Variants in LOC128092253 observed in about 807,000 individuals in gnomAD.
At chr6:133,958,212 T>C in the LOC128092253 span, among the ~76,000 whole-genome samples, 1 of 152,224 alleles carries the variant, frequency 6.6e-6, no homozygotes, top group Non-Finnish European at 1.5e-5. Context: ...TTTAGCTGTA[T>C]GATACTTCTG....
chr6:133,963,597 T>C, the LOC128092253 span, among the ~76,000 whole-genome samples: 1 of 152,098 alleles, frequency 6.6e-6, no homozygotes, highest in Non-Finnish European at 1.5e-5. Flanking sequence ...ATTTTTGTAT[T>C]TTTTTGTCGA....
chr6:133,956,099 A>G, the LOC128092253 span, among the ~76,000 whole-genome samples: 10,316 of 152,248 alleles, frequency 0.068, 934 homozygotes, highest in African/African-American at 0.2. Context: ...GAAGGATACC[A>G]GTAATAACCT....
At chr6:133,958,755 T>C in the LOC128092253 span, among the ~76,000 whole-genome samples, 4 of 152,112 alleles carry the variant, frequency 2.6e-5, no homozygotes, top group Non-Finnish European at 5.9e-5. Flanking sequence ...TTATAAAATA[T>C]ATACTATAGA....
the LOC128092253 span, among the ~76,000 whole-genome samples, chr6:133,955,842 T>A: frequency 6.6e-6 from 1 of 152,238 alleles, no homozygotes; most frequent in East Asian, 1.9e-4. Context: ...TCTGCCAAAT[T>A]TGAGGGAACT....
At chr6:133,976,635 T>G in the LOC128092253 span, among the ~76,000 whole-genome samples, 2 of 152,188 alleles carry the variant, frequency 1.3e-5, no homozygotes, top group Non-Finnish European at 2.9e-5. Context: ...ATCGATAAAT[T>G]ATGTCACTAC....
At chr6:133,975,001 A>G in the LOC128092253 span, among the ~76,000 whole-genome samples, 3 of 152,222 alleles carry the variant, frequency 2.0e-5, no homozygotes, top group African/African-American at 7.2e-5. Context: ...AAGAAAAGAC[A>G]GTTAAAAACT....
At chr6:133,966,842 G>A in the LOC128092253 span, among the ~76,000 whole-genome samples, 23 of 152,168 alleles carry the variant, frequency 1.5e-4, no homozygotes, top group African/African-American at 7.2e-5. Context: ...ACTGTGGTCC[G>A]TCCTGTCATC....
chr6:133,970,403 T>C, the LOC128092253 span, among the ~76,000 whole-genome samples: 1 of 152,216 alleles, frequency 6.6e-6, no homozygotes, highest in African/African-American at 2.4e-5. Flanking sequence ...CATTCTTATC[T>C]AACCTAAGTT....
the LOC128092253 span, among the ~76,000 whole-genome samples, chr6:133,976,967 C>CA: frequency 0.012 from 760 of 61,880 alleles, 2 homozygotes; most frequent in Non-Finnish European, 0.015. Flanking sequence ...GACTTGGTCT[C>CA]AAAAAAAAAA....
the LOC128092253 span, among the ~76,000 whole-genome samples, chr6:133,954,524 C>T: frequency 6.6e-6 from 1 of 152,154 alleles, no homozygotes; most frequent in South Asian, 2.1e-4. Flanking sequence ...TTTATGTTAC[C>T]TCTTTAGTCT....
chr6:133,978,683 A>G, the LOC128092253 span, among the ~76,000 whole-genome samples: 1 of 152,184 alleles, frequency 6.6e-6, no homozygotes, highest in African/African-American at 2.4e-5. Flanking sequence ...GTTGAGGTAC[A>G]ATTGATACAC....
the LOC128092253 span, among the ~76,000 whole-genome samples, chr6:133,969,425 C>A: frequency 4.6e-5 from 7 of 152,004 alleles, no homozygotes; most frequent in African/African-American, 1.7e-4. Flanking sequence ...AGTCTTCAGA[C>A]TGAATATCTA....
chr6:133,972,236 T>A, the LOC128092253 span, among the ~76,000 whole-genome samples: 2 of 152,334 alleles, frequency 1.3e-5, no homozygotes, highest in Admixed American at 1.3e-4. Flanking sequence ...CCACTCTATT[T>A]TCTCTTCTAA....
chr6:133,960,118 T>G, the LOC128092253 span, among the ~76,000 whole-genome samples: 1 of 152,204 alleles, frequency 6.6e-6, no homozygotes, highest in Non-Finnish European at 1.5e-5. Flanking sequence ...AAAGTTGTAA[T>G]GAGCATACCT....
the LOC128092253 span, among the ~76,000 whole-genome samples, chr6:133,966,243 TAAA>T: frequency 2.6e-5 from 4 of 152,238 alleles, no homozygotes; most frequent in East Asian, 1.9e-4. Context: ...GGTACAGAAA[TAAA>T]GAAGATTTGA....
the LOC128092253 span, among the ~76,000 whole-genome samples, chr6:133,963,660 A>G: frequency 2.0e-5 from 3 of 151,864 alleles, no homozygotes; most frequent in South Asian, 2.1e-4. Flanking sequence ...GGCTCAAGCA[A>G]CCTGCCCACC....
the LOC128092253 span, among the ~76,000 whole-genome samples, chr6:133,959,189 G>A: frequency 1.3e-5 from 2 of 152,072 alleles, no homozygotes; most frequent in Non-Finnish European, 2.9e-5. Context: ...ACAGGCATGC[G>A]CCACCACGCC....
the LOC128092253 span, among the ~76,000 whole-genome samples, chr6:133,961,052 A>G: frequency 6.6e-6 from 1 of 152,202 alleles, no homozygotes; most frequent in African/African-American, 2.4e-5. Flanking sequence ...AGCACTAAGT[A>G]GTATAATATA....
At chr6:133,966,030 T>G in the LOC128092253 span, among the ~76,000 whole-genome samples, 1 of 152,188 alleles carries the variant, frequency 6.6e-6, no homozygotes, top group African/African-American at 2.4e-5. Flanking sequence ...AGTCTAGATT[T>G]AACCCAAGCA....
Sources: gnomAD v4.1 joint callset for allele counts (sites outside exome capture counted in the v4.1 genomes callset) on GRCh38, gnomAD v4.1.1 for gene constraint, MANE v1.5 for transcripts.